Variants in GCNT2 observed in about 807,000 individuals in gnomAD.
The protein encoded by GCNT2 is N-acetyllactosaminide beta-1,6-N-acetylglucosaminyl-transferase.
GCNT2 carries 34 observed loss-of-function variants against 34.2 expected under a neutral mutation model. That is an observed-to-expected ratio of 1.00 (90% CI 0.76 to 1.32). GCNT2 has a LOEUF of 1.32. GCNT2 is among the 40% of genes most tolerant of loss of function. The pLI is 0.00. For missense variants in GCNT2, 584 were observed against 489.4 expected, an observed-to-expected ratio of 1.19 and a Z score of -1.82; for synonymous variants, 212 against 188.0, an observed-to-expected ratio of 1.13 and a Z score of -1.04.
intron 3 of GCNT2, among the ~76,000 whole-genome samples, chr6:10,602,070 A>G (rs1215481510): frequency 6.6e-6 from 1 of 152,304 alleles, no homozygotes; most frequent in Middle Eastern, 3.4e-3. Context: ...CAAACCACTG[A>G]AGAGGCCAAC....
intron 3 of GCNT2, chr6:10,557,442 T>C (rs905092420): frequency 6.5e-6 from 6 of 924,622 alleles, no homozygotes; most frequent in African/African-American, 6.5e-5. Flanking sequence ...AGATGAAAAC[T>C]GGAACATATA....
intron 3 of GCNT2, among the ~76,000 whole-genome samples, chr6:10,564,217 T>G (rs185209832): frequency 4.6e-5 from 7 of 152,228 alleles, no homozygotes; most frequent in African/African-American, 1.7e-4. Flanking sequence ...AAATCCACAT[T>G]TTGCAAATAT....
intron 3 of GCNT2, among the ~76,000 whole-genome samples, chr6:10,620,037 A>G (rs1765963998): frequency 6.6e-6 from 1 of 152,232 alleles, no homozygotes; most frequent in African/African-American, 2.4e-5. Context: ...CAGATAATTC[A>G]GGATAACCTC....
In GCNT2 at chr6:10,579,826, C is replaced by CAAAAAAAAAAAAA. The variant is rs61490868; in HGVS notation, c.926-41515_926-41503dup. On this transcript the variant is annotated intron_variant, in intron 3 of 4. Transcript: ENST00000495262. ...GCGAGACTCCATCTCAAAAAACAAA[C>CAAAAAAAAAAAAA]AAAAAAAAAAAAAAAAAAAAAACAA... 2.1e-3 allele frequency among the ~76,000 whole-genome samples: 186 copies of CAAAAAAAAAAAAA among 88,744 alleles called. 1 individual carries two copies. Among genetic ancestry groups the CAAAAAAAAAAAAA allele is most frequent in the Middle Eastern group, 6.6e-3 (1 of 152 alleles). The allele number at this position is 88,744 out of a possible 152,430, so 58.2% of individuals were successfully genotyped here.
At chr6:10,526,360 C>T (rs1417299318) in intron 1 of GCNT2, among the ~76,000 whole-genome samples, 1 of 152,118 alleles carries the variant, frequency 6.6e-6, no homozygotes, top group Non-Finnish European at 1.5e-5. Context: ...GTCATCATTT[C>T]CTGTGTTCCT....
At chr6:10,557,528 C>A (rs1295615316) in intron 3 of GCNT2, among the ~76,000 whole-genome samples, 1 of 151,724 alleles carries the variant, frequency 6.6e-6, no homozygotes, top group East Asian at 1.9e-4. Context: ...CACTCTGTGG[C>A]CCAGGCTGGA....
intron 3 of GCNT2, among the ~76,000 whole-genome samples, chr6:10,588,463 G>C (rs911414392): frequency 6.6e-6 from 1 of 152,168 alleles, no homozygotes; most frequent in Non-Finnish European, 1.5e-5. Context: ...GTATGTTCAC[G>C]TTGTTCACAT....
chr6:10,578,490 A>G (rs1458614574), intron 3 of GCNT2, among the ~76,000 whole-genome samples: 2 of 113,320 alleles, frequency 1.8e-5, no homozygotes, highest in Non-Finnish European at 3.3e-5. Flanking sequence ...GCTGTCGCCC[A>G]GGCTGGAGTG....
chr6:10,560,963 A>G (rs1762951595), intron 3 of GCNT2, among the ~76,000 whole-genome samples: 1 of 152,094 alleles, frequency 6.6e-6, no homozygotes, highest in Non-Finnish European at 1.5e-5. Flanking sequence ...CCTTCTGCTT[A>G]CATTCTCAAA....
At position 10,627,137 on chromosome 6, in the gene GCNT2, A is replaced by T; in HGVS notation, c.*530A>T. ...AGAATACATCTTGTTTCTGAGTTTC[A>T]ACACTAGCATTTTTGGCTTACTCAT... On this transcript the variant is annotated 3_prime_UTR_variant, in exon 5 of 5. Coordinates refer to ENST00000495262, the MANE Select transcript of GCNT2 (RefSeq NM_145649.5). 1.2e-5 allele frequency: 2 copies of T among 160,448 alleles called. No homozygotes were observed. Among genetic ancestry groups the T allele is most frequent in the South Asian group, 1.8e-4 (1 of 5,702 alleles). 9.9% of individuals were successfully genotyped at this position (160,448 alleles called of 1,614,324 possible). A position where few individuals can be genotyped will look rare whatever the true frequency, so the allele number is the denominator to read the frequency against.
chr6:10,548,854 G>C (rs909094617), intron 3 of GCNT2, among the ~76,000 whole-genome samples: 1 of 152,066 alleles, frequency 6.6e-6, no homozygotes, highest in African/African-American at 2.4e-5. Flanking sequence ...CCACCTCCTG[G>C]GTTCAAGCAG....
chr6:10,562,656 G>GA (rs57868433), intron 3 of GCNT2, among the ~76,000 whole-genome samples: 9,159 of 76,984 alleles, frequency 0.12, 637 homozygotes, highest in African/African-American at 0.13. Flanking sequence ...GAACTTCTCT[G>GA]AAAAAAAAAA....
rs114967515 is a variant in GCNT2 at position 10,584,129 on chromosome 6, C to A, written c.926-37222C>A. ...CTGAGTTCTCTCAGTATTTATTGAT[C>A]ACTATTTTTCCTATCTTGGCGAGGG... is the stretch of plus-strand genomic sequence containing the variant. On this transcript the variant is annotated intron_variant, in intron 3 of 4. Transcript: ENST00000495262. Among the ~76,000 whole-genome samples the A allele has an allele frequency of 1.7e-3, 264 of 152,180 alleles. 1 individual carries two copies. Among genetic ancestry groups the A allele is most frequent in the African/African-American group, 5.9e-3 (243 of 41,498 alleles).
intron 3 of GCNT2, chr6:10,530,066 A>G (rs1272637221): frequency 4.0e-6 from 2 of 505,174 alleles, no homozygotes; most frequent in East Asian, 3.5e-5. Flanking sequence ...CACTGGCCAT[A>G]TAAATAAAAA....
At chr6:10,577,529 GTTTA>G (rs764429397) in intron 3 of GCNT2, among the ~76,000 whole-genome samples, 6 of 152,156 alleles carry the variant, frequency 3.9e-5, no homozygotes, top group South Asian at 2.1e-4. Context: ...TGTTGAATGC[GTTTA>G]TTTTTTATTT....
intron 1 of GCNT2, among the ~76,000 whole-genome samples, chr6:10,523,991 A>T (rs1390422143): frequency 6.0e-5 from 9 of 150,624 alleles, no homozygotes; most frequent in Admixed American, 2.6e-4. Context: ...AAAAAAAAAA[A>T]AACCAAGACT....
At chr6:10,618,416 G>A (rs1165422498) in intron 3 of GCNT2, among the ~76,000 whole-genome samples, 3 of 152,150 alleles carry the variant, frequency 2.0e-5, no homozygotes, top group Non-Finnish European at 2.9e-5. Context: ...TCTTACCTCT[G>A]CAATAATGGA....
At chr6:10,619,374 G>C (rs1480092306) in intron 3 of GCNT2, 1 of 152,036 alleles carries the variant, frequency 6.6e-6, no homozygotes, top group African/African-American at 2.4e-5. Flanking sequence ...TGTGGAGATG[G>C]TGTCTTTCTG....
chr6:10,553,420 C>T (rs538479117), intron 3 of GCNT2, among the ~76,000 whole-genome samples: 8 of 152,348 alleles, frequency 5.3e-5, no homozygotes, highest in Middle Eastern at 3.4e-3. Context: ...CCAGGTCTTT[C>T]GTACCTTGGC....
Sources: allele counts gnomAD v4.1 joint callset (sites outside exome capture counted in the v4.1 genomes callset), GRCh38; gene constraint gnomAD v4.1.1; transcripts MANE v1.5; gene names NCBI Gene and HGNC (gene_info 2026-07-23, HGNC 2026-07-21).